TCFL5: variants seen among roughly 807,000 people sequenced by gnomAD.
TCFL5 encodes transcription factor-like 5 protein.
A neutral mutation model predicts 44.3 loss-of-function variants in TCFL5; 9 were observed. The ratio of observed to expected loss-of-function variants is 0.20; its 90% CI spans 0.12 to 0.35. The LOEUF (loss-of-function observed/expected upper bound fraction) is 0.35. Ranked by LOEUF, TCFL5 falls within the 10% of genes least tolerant of loss-of-function variation. TCFL5 has a pLI of 1.00. For missense variants in TCFL5, 603 were observed against 613.4 expected, an observed-to-expected ratio of 0.98 and a Z score of 0.18; for synonymous variants, 319 against 271.6, an observed-to-expected ratio of 1.17 and a Z score of -1.72.
chr20:62,853,789 C>T (rs926483362), intron 5 of TCFL5, among the ~76,000 whole-genome samples: 1 of 152,194 alleles, frequency 6.6e-6, no homozygotes. Context: ...ACAATTGCCT[C>T]TTCACAGTTA....
In TCFL5 at chr20:62,841,953, C is replaced by G. The variant is rs768190531; in HGVS notation, c.*22G>C. The G allele has an allele frequency of 6.2e-7, 1 of 1,612,964 alleles. No individual in the cohort carries two copies. The highest frequency in any genetic ancestry group is 1.7e-5 in the Admixed American group (1 of 59,848). ...CACGAAGGAATGGCTGTTCACCCCC[C>G]GAGGATTCCTGTTCAGTCCGATCAC... is the stretch of plus-strand genomic sequence containing the variant. On this transcript the variant is annotated 3_prime_UTR_variant, in exon 6 of 6. Coordinates refer to ENST00000335351, the MANE Select transcript of TCFL5 (RefSeq NM_006602.4).
At chr20:62,843,363 G>A (rs1193774118) in intron 5 of TCFL5, among the ~76,000 whole-genome samples, 2 of 152,056 alleles carry the variant, frequency 1.3e-5, no homozygotes, top group Non-Finnish European at 2.9e-5. Context: ...TTTTTAAACA[G>A]GCCTTTTCTT....
Position 62,861,060 on chromosome 20 carries a change from C to CA in TCFL5, c.610_611insT (p.Gly204ValfsTer23), listed in dbSNP as rs2063994179. 1 of 995,718 alleles carries CA rather than the reference C, an allele frequency of 1.0e-6. No homozygotes were observed. Among genetic ancestry groups the CA allele is most frequent in the African/African-American group, 1.8e-5 (1 of 56,958 alleles). 61.7% of individuals were successfully genotyped at this position (995,718 alleles called of 1,614,324 possible). A position where few individuals can be genotyped will look rare whatever the true frequency, so the allele number is the denominator to read the frequency against. ...CCCGCCCGGCTCGGGGGGCTCGGGG[C>CA]CGCGCGGCGCGGGCGGCGGCTCGGC... On this transcript the variant is annotated frameshift_variant, in exon 1 of 6. Transcript: ENST00000335351. LOFTEE classifies it high-confidence loss of function. The surrounding 1 kb of genome is among the most constrained non-coding windows in gnomAD (Gnocchi z 4.0).
Position 62,859,438 on chromosome 20 carries a change from T to C in TCFL5, c.920A>G (p.Glu307Gly). Residue 307 changes from glutamate (E) to glycine (G), a missense_variant, in exon 3 of 6, where the codon GAA becomes GGA. Physicochemically the swap from Glu to Gly is moderately conservative, Grantham distance 98 (BLOSUM62 -2). This residue lies in a region of TCFL5 where 540 missense variants were observed against 478.7 expected (regional missense o/e 1.13). Coordinates refer to ENST00000335351, the MANE Select transcript of TCFL5 (RefSeq NM_006602.4). ...PRAFSFCYQQ[E>G]IESTKQTLGS... is the part of the protein sequence containing the mutation. ...TAACGTCTGTTTAGTGGATTCAATTTCTTGCTGATAACAGAAAGAAAATGC... is the reference window on the plus strand; with the variant it reads ...TAACGTCTGTTTAGTGGATTCAATTCCTTGCTGATAACAGAAAGAAAATGC... 1 of 1,614,132 alleles carries C rather than the reference T, an allele frequency of 6.2e-7. No homozygotes were observed. Among genetic ancestry groups the C allele is most frequent in the East Asian group, 2.2e-5 (1 of 44,894 alleles).
chr20:62,858,694 C>T (rs75512395), intron 3 of TCFL5, among the ~76,000 whole-genome samples: 2,862 of 67,820 alleles, frequency 0.042, 80 homozygotes, highest in East Asian at 0.083. Context: ...GAAGGGGCTA[C>T]GCAGGTGTTT....
At position 62,861,269 on chromosome 20, in the gene TCFL5, T is replaced by G. The variant is rs1346815860; in HGVS notation, c.402A>C (p.Leu134=). The change falls in exon 1 of 6, where the codon CTA becomes CTC. Residue 134 remains leucine, a synonymous_variant. Coordinates refer to ENST00000335351, the MANE Select transcript of TCFL5 (RefSeq NM_006602.4). The surrounding 1 kb of genome is among the most constrained non-coding windows in gnomAD (Gnocchi z 4.0). The part of the protein sequence containing the change: ...IDFQELRMML[L]SEAGAAEKTS... ...TCTTCTCCGCCGCGCCCGCCTCGCT[T>G]AGCAGCATCATGCGCAGCTCCTGGA... 2 of 1,217,656 alleles carry G rather than the reference T, an allele frequency of 1.6e-6. No individual in the cohort carries two copies. Among genetic ancestry groups the G allele is most frequent in the Admixed American group, 5.9e-5 (2 of 33,834 alleles). 75.4% of individuals were successfully genotyped at this position (1,217,656 alleles called of 1,614,324 possible). A position where few individuals can be genotyped will look rare whatever the true frequency, so the allele number is the denominator to read the frequency against.
At chr20:62,851,708 G>A (rs2063812589) in intron 5 of TCFL5, 9 of 985,384 alleles carry the variant, frequency 9.1e-6, no homozygotes, top group Middle Eastern at 5.2e-4. Flanking sequence ...CACAGAAAAG[G>A]GACAGAGACA....
chr20:62,859,560 A>G (rs1385904975), intron 2 of TCFL5, 34 bp from the exon 3 acceptor site: 24 of 1,594,108 alleles, frequency 1.5e-5, no homozygotes, highest in African/African-American at 2.7e-5. Flanking sequence ...AATTTTATCA[A>G]TATGTGGCTT....
chr20:62,861,346 G>A lies in TCFL5; in HGVS notation c.325C>T (p.Leu109=), dbSNP rs754734532. ...TCGGCCGCCAGCGCGGACGGGCACAGCACGGGGTACACGGGCGCCGCGCCC... is the reference window on the plus strand; with the variant it reads ...TCGGCCGCCAGCGCGGACGGGCACAACACGGGGTACACGGGCGCCGCGCCC... The part of the protein sequence containing the change: ...QGGAAPVYPV[L]CPSALAADAP... Residue 109 remains leucine, a synonymous_variant, in exon 1 of 6, where the codon CTG becomes TTG. Transcript: ENST00000335351. This position sits in a 1 kb window ranked among gnomAD's most constrained non-coding sequence, Gnocchi z 4.0. The A allele has an allele frequency of 3.6e-6, 4 of 1,103,554 alleles. No individual in the cohort carries two copies. The highest frequency in any genetic ancestry group is 3.4e-5 in the African/African-American group (2 of 59,478). The allele number at this position is 1,103,554 out of a possible 1,614,324, so 68.4% of individuals were successfully genotyped here. A position where few individuals can be genotyped will look rare whatever the true frequency, so the allele number is the denominator to read the frequency against.
intron 5 of TCFL5, chr20:62,845,614 G>C: frequency 6.3e-7 from 1 of 1,589,356 alleles, no homozygotes; most frequent in Non-Finnish European, 8.6e-7. Flanking sequence ...GACCCTCGGA[G>C]CTGGTCTCGG....
chr20:62,854,614 G>T (rs1371278645), intron 4 of TCFL5, among the ~76,000 whole-genome samples: 1 of 152,192 alleles, frequency 6.6e-6, no homozygotes, highest in Non-Finnish European at 1.5e-5. Flanking sequence ...CCAGGAACTC[G>T]TGCACAGCTT....
chr20:62,855,180 G>A (rs189929675), intron 4 of TCFL5, among the ~76,000 whole-genome samples: 2 of 152,244 alleles, frequency 1.3e-5, no homozygotes, highest in African/African-American at 4.8e-5. Context: ...TTTCTTTGGG[G>A]GATGGGTCTC....
intron 2 of TCFL5, 80 bp downstream of exon 2, chr20:62,860,045 T>G (rs1251465219): frequency 7.1e-7 from 1 of 1,402,848 alleles, no homozygotes; most frequent in Non-Finnish European, 9.7e-7. Flanking sequence ...GAAAAAAAAG[T>G]ACTTGGGACC....
At chr20:62,848,798 G>A (rs1318270956) in intron 5 of TCFL5, among the ~76,000 whole-genome samples, 1 of 152,108 alleles carries the variant, frequency 6.6e-6, no homozygotes, top group Non-Finnish European at 1.5e-5. Flanking sequence ...AGCACTTTGG[G>A]AGGCTGAGAC....
chr20:62,851,643 A>C lies in TCFL5; in HGVS notation c.1380+2373T>G, dbSNP rs1020261164. On this transcript the variant is annotated intron_variant, in intron 5 of 5. Transcript: ENST00000335351. ...CGCTATAGAATGCAATTAAATGTAT[A>C]ATGTAAATAAACAACTTAAATTATG... 1.4e-5 allele frequency: 14 copies of C among 985,428 alleles called. No individual in the cohort carries two copies. In the Admixed American group the frequency reaches 8.6e-4, roughly 61 times the overall value. The allele number at this position is 985,428 out of a possible 1,614,324, so 61.0% of individuals were successfully genotyped here.
intron 2 of TCFL5, among the ~76,000 whole-genome samples, 177 bp from the exon 3 acceptor site, chr20:62,859,703 GTATTTT>G (rs1234912196): frequency 6.7e-6 from 1 of 148,866 alleles, no homozygotes; most frequent in Non-Finnish European, 1.5e-5. Context: ...ACTTTCACAG[GTATTTT>G]TTTGTTTTTG....
At chr20:62,860,358 A>G in intron 1 of TCFL5, 50 bp from the exon 2 acceptor site, 1 of 1,529,256 alleles carries the variant, frequency 6.5e-7, no homozygotes, top group Non-Finnish European at 9.0e-7. Context: ...GTGGCAGACA[A>G]GCATCCACCA....
In TCFL5 at chr20:62,861,146, G is replaced by C. The variant is rs902742843; in HGVS notation, c.525C>G (p.Pro175=). Residue 175 remains proline (P), a synonymous_variant, in exon 1 of 6, where the codon CCC becomes CCG. Transcript: ENST00000335351. The surrounding 1 kb of genome is among the most constrained non-coding windows in gnomAD (Gnocchi z 4.0). ...AAAAAGPDGA[P]EARAKPAVRV... is the part of the protein sequence containing the mutation. ...GCACGGCCGGCTTGGCCCGGGCCTC[G>C]GGCGCGCCGTCGGGTCCAGCCGCAG... 1.7e-4 allele frequency: 169 copies of C among 1,004,774 alleles called. 2 individuals carry two copies. The East Asian group carries it at 0.013, about 76-fold the overall frequency. 62.2% of individuals were successfully genotyped at this position (1,004,774 alleles called of 1,614,324 possible). A position where few individuals can be genotyped will look rare whatever the true frequency, so the allele number is the denominator to read the frequency against.
chr20:62,857,360 T>C (rs369524193), intron 4 of TCFL5, 35 bp downstream of exon 4: 2 of 1,609,844 alleles, frequency 1.2e-6, no homozygotes, highest in Non-Finnish European at 1.7e-6. Context: ...GGTAATCATA[T>C]ATGAGTCAGC....
Sources: allele counts gnomAD v4.1 joint callset (sites outside exome capture counted in the v4.1 genomes callset), GRCh38; gene constraint gnomAD v4.1.1; regional missense constraint gnomAD v4.1.1; non-coding constraint Gnocchi (gnomAD v3.1); transcripts MANE v1.5; gene names NCBI Gene and HGNC (gene_info 2026-07-23, HGNC 2026-07-21).